Variants in BBS9 observed in about 807,000 individuals in gnomAD.
The protein encoded by BBS9 is protein PTHB1.
Under a neutral mutation model 117.7 loss-of-function variants are expected in BBS9, and 89 were observed. The observed-to-expected ratio is 0.76, with a 90% CI of 0.64 to 0.90. BBS9 has a LOEUF of 0.90. Among genes scored for constraint, BBS9 ranks in the 40% least tolerant of loss-of-function variants. The pLI is 0.00. For synonymous variants in BBS9, 379 were observed against 370.9 expected (o/e 1.02, Z -0.25); for missense variants, 982 against 1,042.2 (o/e 0.94, Z 0.80).
At chr7:33,411,017 T>C (rs1450192351) in intron 19 of BBS9, among the ~76,000 whole-genome samples, 1 of 141,698 alleles carries the variant, frequency 7.1e-6, no homozygotes, top group Non-Finnish European at 1.5e-5. Context: ...TGGTGTTTTT[T>C]TTTTTTTTTT....
chr7:33,288,232 CTT>C (rs1461806526), intron 9 of BBS9, among the ~76,000 whole-genome samples: 4 of 152,150 alleles, frequency 2.6e-5, no homozygotes, highest in Non-Finnish European at 5.9e-5. Context: ...AATGGCAACT[CTT>C]TTCCAGGCTC....
intron 9 of BBS9, among the ~76,000 whole-genome samples, chr7:33,294,404 C>T (rs533345866): frequency 3.4e-5 from 5 of 145,640 alleles, no homozygotes; most frequent in South Asian, 4.4e-4. Flanking sequence ...CATCCATCCA[C>T]CCATCCATCC....
intron 19 of BBS9, among the ~76,000 whole-genome samples, chr7:33,437,209 A>C (rs1432741220): frequency 6.6e-6 from 1 of 152,188 alleles, no homozygotes; most frequent in Non-Finnish European, 1.5e-5. Flanking sequence ...CTATTGAGGT[A>C]AATTGAGTTA....
intron 19 of BBS9, among the ~76,000 whole-genome samples, chr7:33,484,041 G>C (rs1350181858): frequency 1.3e-5 from 2 of 152,172 alleles, no homozygotes; most frequent in Non-Finnish European, 2.9e-5. Context: ...TTTGGTATTA[G>C]TATTAAGGCA....
intron 10 of BBS9, 59 bp downstream of exon 10, chr7:33,336,681 GTAGA>G (rs1815439105): frequency 1.7e-6 from 2 of 1,149,746 alleles, no homozygotes; most frequent in African/African-American, 1.5e-5. Context: ...ATATTATCTT[GTAGA>G]TAGATATTAT....
At chr7:33,135,210 C>G (rs1173555622) in intron 1 of BBS9, among the ~76,000 whole-genome samples, 1 of 152,112 alleles carries the variant, frequency 6.6e-6, no homozygotes, top group Non-Finnish European at 1.5e-5. Flanking sequence ...TTTTTTATTG[C>G]TCACGTTTCT....
chr7:33,491,919 G>A (rs1433562146), intron 19 of BBS9, among the ~76,000 whole-genome samples: 1 of 152,084 alleles, frequency 6.6e-6, no homozygotes, highest in African/African-American at 2.4e-5. Flanking sequence ...GATATGTTGG[G>A]CTGGGTGTGG....
At chr7:33,424,153 T>A (rs1274768687) in intron 19 of BBS9, among the ~76,000 whole-genome samples, 1 of 152,182 alleles carries the variant, frequency 6.6e-6, no homozygotes, top group Non-Finnish European at 1.5e-5. Context: ...AAAAATTCTA[T>A]CTTTTTGATT....
chr7:33,383,864 T>C (rs1252932691), intron 18 of BBS9, 26 bp downstream of exon 18: 4 of 1,598,896 alleles, frequency 2.5e-6, no homozygotes, highest in Non-Finnish European at 3.4e-6. Flanking sequence ...ACCCACATCA[T>C]CTATAATCCT....
intron 9 of BBS9, among the ~76,000 whole-genome samples, chr7:33,329,741 T>A (rs1039387957): frequency 6.6e-6 from 1 of 152,236 alleles, no homozygotes; most frequent in Non-Finnish European, 1.5e-5. Flanking sequence ...CAAAAGTATA[T>A]GAGAGTATGT....
rs3832512 is a variant in BBS9 at position 33,505,277 on chromosome 7, A to AT, written c.2116-177dup. Reference sequence around the variant, plus strand: ...ATATGGATTTGGAATTACTGTGGGCATTTTTTTTTAAAGAAGGAAGTGAGC... The same window carrying AT: ...ATATGGATTTGGAATTACTGTGGGCATTTTTTTTTTAAAGAAGGAAGTGAGC... On this transcript the variant is annotated intron_variant, in intron 19 of 22. Transcript: ENST00000242067. Among the ~76,000 whole-genome samples, 120,622 of 151,170 alleles carry AT rather than the reference A, an allele frequency of 0.8. 48,649 individuals carry two copies. The highest frequency in any genetic ancestry group is 0.91 in the African/African-American group (37,720 of 41,286).
chr7:33,334,122 C>G (rs1814767638), intron 9 of BBS9, among the ~76,000 whole-genome samples: 1 of 152,104 alleles, frequency 6.6e-6, no homozygotes, highest in Non-Finnish European at 1.5e-5. Context: ...CAAACTCTTC[C>G]TATTTGAACT....
intron 21 of BBS9, among the ~76,000 whole-genome samples, chr7:33,634,941 G>C (rs1049043938): frequency 5.3e-5 from 8 of 152,206 alleles, no homozygotes; most frequent in African/African-American, 1.9e-4. Context: ...CCTGCTCAGA[G>C]GTGCGGGTGC....
intron 5 of BBS9, among the ~76,000 whole-genome samples, chr7:33,182,823 A>G (rs1360679323): frequency 6.6e-6 from 1 of 152,192 alleles, no homozygotes; most frequent in Non-Finnish European, 1.5e-5. Context: ...TCTAGCCTTA[A>G]TAAACAGGTA....
chr7:33,564,022 C>T (rs1183347359), intron 21 of BBS9, among the ~76,000 whole-genome samples: 1 of 138,742 alleles, frequency 7.2e-6, no homozygotes, highest in African/African-American at 3.0e-5. Flanking sequence ...AAAAATCTTG[C>T]CTGGAATTCA....
intron 19 of BBS9, among the ~76,000 whole-genome samples, chr7:33,467,001 CATTCATTCAT>C (rs1840262727): frequency 1.6e-5 from 2 of 125,450 alleles, no homozygotes; most frequent in Non-Finnish European, 3.3e-5. Flanking sequence ...TTCATTCATT[CATTCATTCAT>C]TCTCTCTCTC....
intron 19 of BBS9, among the ~76,000 whole-genome samples, chr7:33,429,119 C>T (rs990544117): frequency 1.3e-5 from 2 of 152,004 alleles, no homozygotes; most frequent in South Asian, 2.1e-4. Flanking sequence ...TTTAGTGGAG[C>T]ATGTATTAAC....
At chr7:33,241,373 G>A (rs1398824882) in intron 5 of BBS9, among the ~76,000 whole-genome samples, 1 of 152,128 alleles carries the variant, frequency 6.6e-6, no homozygotes, top group African/African-American at 2.4e-5. Flanking sequence ...TGCTTCTGCA[G>A]TTTCTTATCA....
At chr7:33,479,735 C>T (rs1330468214) in intron 19 of BBS9, among the ~76,000 whole-genome samples, 3 of 152,184 alleles carry the variant, frequency 2.0e-5, no homozygotes, top group Admixed American at 2.0e-4. Flanking sequence ...AGTATATAAG[C>T]GTTCCTTTTC....
Sources: allele counts gnomAD v4.1 joint callset (sites outside exome capture counted in the v4.1 genomes callset), GRCh38; gene constraint gnomAD v4.1.1; transcripts MANE v1.5; gene names NCBI Gene and HGNC (gene_info 2026-07-23, HGNC 2026-07-21).